The following EHBP1 variants were observed in gnomAD, a reference collection of about 807,000 sequenced individuals.
The protein encoded by EHBP1 is EH domain-binding protein 1.
In EHBP1, 55 loss-of-function variants were observed where a neutral mutation model predicts 144.0. The observed-to-expected ratio is 0.38, with a 90% CI of 0.31 to 0.48. EHBP1 has a LOEUF of 0.48. EHBP1 is among the 20% of genes least tolerant of loss of function. EHBP1 has a pLI of 0.98. For synonymous variants in EHBP1, 469 were observed against 472.7 expected, an observed-to-expected ratio of 0.99 and a Z score of 0.10; for missense variants, 1,200 against 1,364.2, an observed-to-expected ratio of 0.88 and a Z score of 1.90.
intron 15 of EHBP1, among the ~76,000 whole-genome samples, chr2:62,988,492 CT>C (rs2059288076): frequency 6.6e-6 from 1 of 152,086 alleles, no homozygotes; most frequent in Non-Finnish European, 1.5e-5. Context: ...AAATATTACT[CT>C]AGTAAATGAT....
chr2:63,007,548 T>C (rs1208068661), intron 19 of EHBP1, among the ~76,000 whole-genome samples: 3 of 151,786 alleles, frequency 2.0e-5, no homozygotes, highest in African/African-American at 7.2e-5. Context: ...TTCACCTACT[T>C]TCCCTTTAAA....
intron 2 of EHBP1, among the ~76,000 whole-genome samples, chr2:62,712,325 TCTG>T (rs2035229207): frequency 6.6e-6 from 1 of 152,114 alleles, no homozygotes; most frequent in Admixed American, 6.6e-5. Flanking sequence ...TAAGAAATCA[TCTG>T]CTGGGAGGGA....
At chr2:62,855,792 G>A (rs1370887032) in intron 7 of EHBP1, among the ~76,000 whole-genome samples, 1 of 152,090 alleles carries the variant, frequency 6.6e-6, no homozygotes, top group Non-Finnish European at 1.5e-5. Context: ...TGAGAGCTTG[G>A]AAGACACTGA....
At chr2:63,020,154 C>G (rs2060666972) in intron 19 of EHBP1, among the ~76,000 whole-genome samples, 2 of 151,848 alleles carry the variant, frequency 1.3e-5, no homozygotes, top group Admixed American at 6.6e-5. Context: ...TGAAGCCCAT[C>G]TGTACTAAAA....
chr2:62,690,016 T>C (rs1280656331), intron 1 of EHBP1, among the ~76,000 whole-genome samples: 1 of 152,262 alleles, frequency 6.6e-6, no homozygotes, highest in Non-Finnish European at 1.5e-5. Flanking sequence ...AGAACTGTGC[T>C]AAGTCCACTT....
intron 5 of EHBP1, among the ~76,000 whole-genome samples, chr2:62,816,125 C>G (rs1189478360): frequency 1.3e-5 from 2 of 152,118 alleles, no homozygotes; most frequent in African/African-American, 4.8e-5. Context: ...AGCTACATAT[C>G]TGTGTGATAC....
chr2:62,688,360 A>C (rs2033788274), intron 1 of EHBP1, among the ~76,000 whole-genome samples: 1 of 152,090 alleles, frequency 6.6e-6, no homozygotes, highest in South Asian at 2.1e-4. Context: ...AATTTTTTTC[A>C]TTGACACATA....
At chr2:62,754,238 T>A (rs1053932809) in intron 3 of EHBP1, among the ~76,000 whole-genome samples, 3 of 152,218 alleles carry the variant, frequency 2.0e-5, no homozygotes, top group African/African-American at 7.2e-5. Context: ...GTAGGTCTGT[T>A]GGAGTTTGCT....
chr2:63,029,697 G>C (rs2061149192), intron 19 of EHBP1, among the ~76,000 whole-genome samples: 2 of 151,960 alleles, frequency 1.3e-5, no homozygotes, highest in Non-Finnish European at 2.9e-5. Context: ...GAGATCAAGG[G>C]GCTCAATTTT....
At chr2:62,866,220 A>C (rs1004379034) in intron 9 of EHBP1, among the ~76,000 whole-genome samples, 1 of 152,248 alleles carries the variant, frequency 6.6e-6, no homozygotes. Flanking sequence ...CAAAGCTTAA[A>C]GGCAAGGCTC....
intron 5 of EHBP1, among the ~76,000 whole-genome samples, chr2:62,773,099 A>G (rs1216824208): frequency 2.6e-5 from 4 of 152,214 alleles, no homozygotes; most frequent in African/African-American, 9.6e-5. Flanking sequence ...AATTAGGGCA[A>G]CTGTCATAAA....
intron 19 of EHBP1, among the ~76,000 whole-genome samples, chr2:63,024,967 G>A (rs1048166072): frequency 4.0e-5 from 6 of 151,474 alleles, no homozygotes; most frequent in Non-Finnish European, 8.8e-5. Flanking sequence ...CCGAATTCTA[G>A]CCTGGGCAAC....
chr2:62,786,452 C>T (rs1352377738), intron 5 of EHBP1, among the ~76,000 whole-genome samples: 2 of 152,226 alleles, frequency 1.3e-5, no homozygotes, highest in East Asian at 1.9e-4. Flanking sequence ...CACAAACCTG[C>T]CGTGGTTCAA....
At chr2:62,913,738 C>T (rs752379845) in intron 10 of EHBP1, among the ~76,000 whole-genome samples, 16 of 152,164 alleles carry the variant, frequency 1.1e-4, no homozygotes, top group Non-Finnish European at 1.9e-4. Context: ...TCTTTAAAAA[C>T]ACTTTTATAT....
At chr2:62,942,015 CT>C (rs1358253316) in intron 10 of EHBP1, among the ~76,000 whole-genome samples, 6 of 151,992 alleles carry the variant, frequency 3.9e-5, no homozygotes, top group Non-Finnish European at 5.9e-5. Flanking sequence ...AAAGTATATA[CT>C]TACCATTTAA....
At chr2:62,924,450 G>A (rs988012806) in intron 10 of EHBP1, among the ~76,000 whole-genome samples, 77 of 152,032 alleles carry the variant, frequency 5.1e-4, no homozygotes, top group African/African-American at 1.8e-3. Context: ...AAAGATAAAC[G>A]AAATCAACAC....
At chr2:62,969,709 CTT>C (rs1217592442) in intron 14 of EHBP1, among the ~76,000 whole-genome samples, 1 of 152,146 alleles carries the variant, frequency 6.6e-6, no homozygotes, top group Non-Finnish European at 1.5e-5. Context: ...ATGGGGCAAA[CTT>C]GAGAAAGATT....
chr2:62,688,427 AT>A (rs935290133), intron 1 of EHBP1, among the ~76,000 whole-genome samples: 2 of 152,152 alleles, frequency 1.3e-5, no homozygotes, highest in Admixed American at 6.5e-5. Context: ...ACATATAGTG[AT>A]CAGATCAGGG....
intron 13 of EHBP1, among the ~76,000 whole-genome samples, chr2:62,953,561 TAATAA>T (rs1269186409): frequency 8.0e-5 from 12 of 150,314 alleles, no homozygotes; most frequent in Non-Finnish European, 1.8e-4. Context: ...AAAAGTAAAA[TAATAA>T]AATAAAATAA....
Sources: gnomAD v4.1 joint callset for allele counts (sites outside exome capture counted in the v4.1 genomes callset) on GRCh38, gnomAD v4.1.1 for gene constraint, MANE v1.5 for transcripts, NCBI Gene and HGNC (gene_info 2026-07-23, HGNC 2026-07-21) for gene names.